The following CFAP69 variants were observed in gnomAD, a reference collection of about 807,000 sequenced individuals.
CFAP69 encodes cilia- and flagella-associated protein 69.
In CFAP69, 92 loss-of-function variants were observed where a neutral mutation model predicts 123.0. That is an observed-to-expected ratio of 0.75 (90% CI 0.63 to 0.89). CFAP69 has a LOEUF of 0.89. Ranked by LOEUF, CFAP69 falls within the 40% of genes least tolerant of loss-of-function variation. The pLI, the probability that CFAP69 is intolerant of heterozygous loss-of-function variation, is 0.00. For missense variants in CFAP69, 1,067 were observed against 1,096.9 expected, an observed-to-expected ratio of 0.97 and a Z score of 0.39; for synonymous variants, 380 against 364.3, an observed-to-expected ratio of 1.04 and a Z score of -0.49.
At chr7:90,270,504 T>A (rs1296971261) in intron 6 of CFAP69, among the ~76,000 whole-genome samples, 8 of 152,124 alleles carry the variant, frequency 5.3e-5, no homozygotes, top group Non-Finnish European at 1.0e-4. Flanking sequence ...ATATAGGCAA[T>A]TTTTACCTTC....
At chr7:90,291,083 GT>G (rs903310891) in intron 15 of CFAP69, among the ~76,000 whole-genome samples, 22 of 152,082 alleles carry the variant, frequency 1.4e-4, no homozygotes, top group African/African-American at 5.3e-4. Context: ...GAAAGAGAGG[GT>G]TCTTGGATCA....
chr7:90,275,863 A>C (rs1039200077), intron 9 of CFAP69, among the ~76,000 whole-genome samples: 4 of 151,820 alleles, frequency 2.6e-5, no homozygotes, highest in African/African-American at 9.7e-5. Context: ...TGGCCTCCCA[A>C]AGTGCTGGGA....
chr7:90,279,631 T>C, intron 11 of CFAP69, 46 bp from the exon 12 acceptor site: 3 of 1,214,548 alleles, frequency 2.5e-6, no homozygotes, highest in Non-Finnish European at 3.4e-6. Context: ...CCTTAAAGTA[T>C]TTTTGGCTAT....
In CFAP69 at chr7:90,254,783, G is replaced by A. The variant is rs766538660; in HGVS notation, c.121-640G>A. ...TCATTGAATAGTTTAGACGGGTCAT[G>A]TTCAGATTTCAGTTTTATTGTTCTG... is the stretch of plus-strand genomic sequence containing the variant. On this transcript the variant is annotated intron_variant, in intron 1 of 22. Coordinates refer to ENST00000389297, the MANE Select transcript of CFAP69 (RefSeq NM_001039706.3). Among the ~76,000 whole-genome samples, 56 of 152,276 alleles carry A rather than the reference G, an allele frequency of 3.7e-4. No homozygotes were observed. In the Middle Eastern group the frequency reaches 0.014, roughly 37 times the overall value.
intron 1 of CFAP69, among the ~76,000 whole-genome samples, chr7:90,252,257 C>A (rs915728216): frequency 6.6e-5 from 10 of 151,932 alleles, no homozygotes; most frequent in Middle Eastern, 6.8e-3. Context: ...GTCTATTTAC[C>A]AAAATTTTTT....
rs566325397 is a variant in CFAP69 at position 90,282,881 on chromosome 7, T to A, written c.1373-11T>A. ...ATGTTTTTGTTTTAAATTATCACTT[T>A]TTCTCCACAGATCCGTTTTTCAGTC... On this transcript the variant is annotated splice_polypyrimidine_tract_variant and intron_variant, in intron 12 of 22. Coordinates refer to ENST00000389297, the MANE Select transcript of CFAP69 (RefSeq NM_001039706.3). 1.4e-6 allele frequency: 2 copies of A among 1,451,038 alleles called. No homozygotes were observed. Among genetic ancestry groups the A allele is most frequent in the African/African-American group, 1.5e-5 (1 of 68,768 alleles). The allele number at this position is 1,451,038 out of a possible 1,614,324, so 89.9% of individuals were successfully genotyped here.
Position 90,310,071 on chromosome 7 carries a change from C to A in CFAP69, c.2659C>A (p.Pro887Thr). Residue 887 changes from proline (P) to threonine (T), a missense_variant, in exon 23 of 23, where the codon CCC (proline) becomes ACC (threonine). Pro to Thr is a conservative substitution (Grantham distance 38). Coordinates refer to ENST00000389297, the MANE Select transcript of CFAP69 (RefSeq NM_001039706.3). Reference sequence around the variant, plus strand: ...TATTTACCTTTTGCCTTTTTAGGTGCCCTCTGGTGGAGTAGTAACAGTGGA... The same window carrying A: ...TATTTACCTTTTGCCTTTTTAGGTGACCTCTGGTGGAGTAGTAACAGTGGA... Reference protein sequence around the residue: ...THIKGLNTTVPSGGVVTVEST... With the variant: ...THIKGLNTTVTSGGVVTVEST... 1 of 1,601,654 alleles carries A rather than the reference C, an allele frequency of 6.2e-7. No individual in the cohort carries two copies.
At chr7:90,274,770 A>G (rs918246200) in intron 9 of CFAP69, among the ~76,000 whole-genome samples, 6 of 152,144 alleles carry the variant, frequency 3.9e-5, no homozygotes, top group Admixed American at 1.3e-4. Context: ...GGTTCCTAGC[A>G]GTTTCGAAAT....
At chr7:90,276,202 C>A (rs936145061) in intron 9 of CFAP69, 5 of 152,342 alleles carry the variant, frequency 3.3e-5, no homozygotes, top group Non-Finnish European at 4.4e-5. Context: ...CCTCAGCCCA[C>A]TAACAGTGGA....
chr7:90,264,104 AATATATATATATATATAT>A (rs71104454), intron 4 of CFAP69, among the ~76,000 whole-genome samples: 653 of 48,882 alleles, frequency 0.013, 61 homozygotes, highest in African/African-American at 0.044. Flanking sequence ...AAAAAAAAAA[AATATATATATATATATAT>A]ATATATATAT....
chr7:90,312,818 G>A (rs954759248), downstream of CFAP69: 2 of 152,150 alleles, frequency 1.3e-5, no homozygotes, highest in Non-Finnish European at 2.9e-5. Context: ...AAAATTTGAA[G>A]CTTTCAAACT....
intron 1 of CFAP69, chr7:90,252,006 C>G (rs1797068415): frequency 6.8e-6 from 1 of 146,008 alleles, no homozygotes; most frequent in African/African-American, 2.6e-5. Flanking sequence ...CACTGCTTCC[C>G]TTGATTAGCC....
the CFAP69 span, chr7:90,317,381 C>T: frequency 5.9e-5 from 9 of 152,154 alleles, no homozygotes; most frequent in South Asian, 6.2e-4. Flanking sequence ...CATGTTTACA[C>T]GCTGTCTGGT....
intron 9 of CFAP69, chr7:90,276,020 G>A (rs1788556229): frequency 6.6e-6 from 1 of 152,170 alleles, no homozygotes; most frequent in South Asian, 2.1e-4. Context: ...GTCACCAGCA[G>A]GAGAATTTCT....
chr7:90,258,063 A>G, intron 2 of CFAP69, 35 bp from the exon 3 acceptor site: 1 of 1,510,792 alleles, frequency 6.6e-7, no homozygotes, highest in Non-Finnish European at 9.1e-7. Context: ...CAGATTTAAA[A>G]GCACAAAAGA....
chr7:90,282,869 A>T, intron 12 of CFAP69, 23 bp from the exon 13 acceptor site: 1 of 1,431,746 alleles, frequency 7.0e-7, no homozygotes, highest in Non-Finnish European at 9.2e-7. Flanking sequence ...TTTTTGTTTT[A>T]AATTATCACT....
chr7:90,284,512 C>T (rs1472905262), intron 13 of CFAP69, among the ~76,000 whole-genome samples: 1 of 152,108 alleles, frequency 6.6e-6, no homozygotes. Context: ...AGGACCTTTT[C>T]CTTAATGAGA....
Position 90,307,010 on chromosome 7 carries a change from T to G in CFAP69, c.2375T>G (p.Ile792Ser). ...GCTATTACAACAGCATCAGAAAATATTGGAAAGATGGTTGCTTCTCTGCAA... is the reference window on the plus strand; with the variant it reads ...GCTATTACAACAGCATCAGAAAATAGTGGAAAGATGGTTGCTTCTCTGCAA... ...LEAITTASEN[I>S]GKMVASLQSD... The change falls in exon 20 of 23, where the codon ATT becomes AGT. Residue 792 changes from isoleucine (I) to serine (S), a missense_variant. Ile to Ser is a moderately radical substitution (Grantham distance 142). Coordinates refer to ENST00000389297, the MANE Select transcript of CFAP69 (RefSeq NM_001039706.3). 6.2e-7 allele frequency: 1 copy of G among 1,613,300 alleles called. No homozygotes were observed. Among genetic ancestry groups the G allele is most frequent in the Non-Finnish European group, 8.5e-7 (1 of 1,179,630 alleles).
intron 1 of CFAP69, chr7:90,251,780 T>C (rs1584297256): frequency 6.6e-6 from 1 of 152,180 alleles, no homozygotes; most frequent in African/African-American, 2.4e-5. Flanking sequence ...TAGAGTAACA[T>C]GAAATGGATA....
Sources: gnomAD v4.1 joint callset for allele counts (sites outside exome capture counted in the v4.1 genomes callset) on GRCh38, gnomAD v4.1.1 for gene constraint, MANE v1.5 for transcripts, NCBI Gene and HGNC (gene_info 2026-07-23, HGNC 2026-07-21) for gene names.